The following PPP2R2C variants were observed in gnomAD, a reference collection of about 807,000 sequenced individuals.
The protein encoded by PPP2R2C is protein phosphatase 2 regulatory subunit Bgamma.
A neutral mutation model predicts 45.3 loss-of-function variants in PPP2R2C; 10 were observed. That is an observed-to-expected ratio of 0.22 (90% CI 0.14 to 0.37). PPP2R2C has a LOEUF of 0.37. PPP2R2C is among the 10% of genes least tolerant of loss of function. The pLI, the probability that PPP2R2C is intolerant of heterozygous loss-of-function variation, is 1.00. For missense variants in PPP2R2C, 308 were observed against 619.7 expected (o/e 0.50, Z 5.34); for synonymous variants, 257 against 245.4 (o/e 1.05, Z -0.44).
chr4:6,342,371 A>G (rs1479685204), intron 6 of PPP2R2C, among the ~76,000 whole-genome samples: 1 of 152,186 alleles, frequency 6.6e-6, no homozygotes, highest in African/African-American at 2.4e-5. Flanking sequence ...TTCCAGGGTC[A>G]AGTGTATTCA....
intron 2 of PPP2R2C, among the ~76,000 whole-genome samples, chr4:6,516,173 T>C (rs1187720969): frequency 6.6e-6 from 1 of 152,218 alleles, no homozygotes; most frequent in Non-Finnish European, 1.5e-5. Context: ...TCAACTCCTA[T>C]CCACATGCGT....
chr4:6,515,275 A>T (rs1243255011), intron 2 of PPP2R2C, among the ~76,000 whole-genome samples: 1 of 152,218 alleles, frequency 6.6e-6, no homozygotes, highest in Non-Finnish European at 1.5e-5. Flanking sequence ...CTTGTTTGAC[A>T]ACCGAACACT....
chr4:6,443,131 T>G (rs891323760), intron 1 of PPP2R2C, among the ~76,000 whole-genome samples: 1 of 151,906 alleles, frequency 6.6e-6, no homozygotes, highest in Non-Finnish European at 1.5e-5. Context: ...TTTTTAAACC[T>G]CTGGGAGAGA....
chr4:6,370,417 T>A (rs919789775), intron 5 of PPP2R2C, among the ~76,000 whole-genome samples: 3 of 152,196 alleles, frequency 2.0e-5, no homozygotes, highest in Non-Finnish European at 4.4e-5. Context: ...CTGGAGCTCC[T>A]GCTAGGAGAC....
Position 6,324,242 on chromosome 4 carries a change from G to C in PPP2R2C, c.1053-649C>G, listed in dbSNP as rs1205952938. On this transcript the variant is annotated intron_variant, in intron 8 of 8. Coordinates refer to ENST00000382599, the MANE Select transcript of PPP2R2C (RefSeq NM_020416.4). This position sits in a 1 kb window ranked among gnomAD's most constrained non-coding sequence, Gnocchi z 4.1. ...AGGTTAGGAGTTTGAGACCAGCCTG[G>C]CCAACATGATGAAACCCTGTCTCTA... is the stretch of plus-strand genomic sequence containing the variant. Among the ~76,000 whole-genome samples, 1 of 152,092 alleles carries C rather than the reference G, an allele frequency of 6.6e-6. No homozygotes were observed. Among genetic ancestry groups the C allele is most frequent in the East Asian group, 1.9e-4 (1 of 5,174 alleles).
intron 2 of PPP2R2C, among the ~76,000 whole-genome samples, chr4:6,500,690 G>A (rs1458876420): frequency 6.6e-6 from 1 of 152,222 alleles, no homozygotes; most frequent in Non-Finnish European, 1.5e-5. Context: ...CCAAGTCCTG[G>A]GGTGCATCCG....
chr4:6,534,027 C>A (rs1271201805), intron 2 of PPP2R2C, among the ~76,000 whole-genome samples: 3 of 141,736 alleles, frequency 2.1e-5, no homozygotes, highest in African/African-American at 7.4e-5. Flanking sequence ...CCCCAACACA[C>A]ACATGTCAAC....
intron 2 of PPP2R2C, among the ~76,000 whole-genome samples, chr4:6,510,594 G>A (rs779733754): frequency 3.9e-5 from 6 of 152,124 alleles, no homozygotes; most frequent in Middle Eastern, 3.4e-3. Context: ...ACATACACAC[G>A]CACGCACACA....
At chr4:6,528,611 AG>A (rs1175950341) in intron 2 of PPP2R2C, among the ~76,000 whole-genome samples, 1 of 152,204 alleles carries the variant, frequency 6.6e-6, no homozygotes, top group Non-Finnish European at 1.5e-5. Context: ...CCTTACTGTC[AG>A]GCCTCTGAGC....
chr4:6,535,343 G>A, exon 2 of PPP2R2C: 1 of 1,532,434 alleles, frequency 6.5e-7, no homozygotes, highest in Non-Finnish European at 8.7e-7. Flanking sequence ...ACTAACACAG[G>A]TCATTTCAAA....
upstream of PPP2R2C, among the ~76,000 whole-genome samples, chr4:6,477,198 G>C (rs1722190162): frequency 6.6e-6 from 1 of 152,100 alleles, no homozygotes; most frequent in African/African-American, 2.4e-5. Flanking sequence ...CAGTGAGCCA[G>C]GATGGTGCCA....
chr4:6,442,378 T>C (rs566631323), intron 1 of PPP2R2C, among the ~76,000 whole-genome samples: 1 of 152,210 alleles, frequency 6.6e-6, no homozygotes, highest in Non-Finnish European at 1.5e-5. Flanking sequence ...AACAATGTAC[T>C]TGGACCCAGT....
chr4:6,346,805 C>A (rs1158349276), intron 6 of PPP2R2C, among the ~76,000 whole-genome samples: 1 of 152,188 alleles, frequency 6.6e-6, no homozygotes, highest in Non-Finnish European at 1.5e-5. Context: ...GTGGCCCCAT[C>A]GCTCCCAAAC....
chr4:6,428,951 C>T (rs748233217), intron 1 of PPP2R2C, among the ~76,000 whole-genome samples: 2 of 152,230 alleles, frequency 1.3e-5, no homozygotes, highest in African/African-American at 2.4e-5. Flanking sequence ...ACTAACTTTC[C>T]TCTATACCAA....
chr4:6,483,629 G>A (rs896805630), intron 2 of PPP2R2C, among the ~76,000 whole-genome samples: 2 of 151,934 alleles, frequency 1.3e-5, no homozygotes, highest in African/African-American at 4.8e-5. Flanking sequence ...TGGGTTGTTT[G>A]CCTTCTTACT....
chr4:6,341,637 A>C (rs1240815404), intron 6 of PPP2R2C, among the ~76,000 whole-genome samples: 1 of 152,110 alleles, frequency 6.6e-6, no homozygotes, highest in Non-Finnish European at 1.5e-5. Context: ...TAAGTGAAGG[A>C]CCTTGAGGTA....
chr4:6,354,021 G>C (rs1712896841), intron 5 of PPP2R2C, among the ~76,000 whole-genome samples: 2 of 138,726 alleles, frequency 1.4e-5, no homozygotes, highest in South Asian at 5.1e-4. Flanking sequence ...CCAGGCATCA[G>C]GGGGCTTCTT....
At chr4:6,457,205 C>T (rs1390395090) in intron 1 of PPP2R2C, among the ~76,000 whole-genome samples, 3 of 35,622 alleles carry the variant, frequency 8.4e-5, no homozygotes, top group African/African-American at 1.8e-4. Flanking sequence ...GAGACTCCAT[C>T]TCAAAAAAAA....
At chr4:6,477,176 A>G (rs1722189454), upstream of PPP2R2C, among the ~76,000 whole-genome samples, 1 of 152,156 alleles carries the variant, frequency 6.6e-6, no homozygotes, top group Admixed American at 6.5e-5. Context: ...TGAGCCTTGG[A>G]GACAGGGGTT....
Sources: allele counts gnomAD v4.1 joint callset (sites outside exome capture counted in the v4.1 genomes callset), GRCh38; gene constraint gnomAD v4.1.1; non-coding constraint Gnocchi (gnomAD v3.1); transcripts MANE v1.5; gene names NCBI Gene and HGNC (gene_info 2026-07-23, HGNC 2026-07-21).